Variants in EML4 observed in about 807,000 individuals in gnomAD.
The protein encoded by EML4 is EMAP like 4.
A neutral mutation model predicts 129.0 loss-of-function variants in EML4; 72 were observed. The ratio of observed to expected loss-of-function variants is 0.56; its 90% CI spans 0.46 to 0.68. The LOEUF is 0.68. Among genes scored for constraint, EML4 ranks in the 30% least tolerant of loss-of-function variants. The pLI, the probability that EML4 is intolerant of heterozygous loss-of-function variation, is 0.00. For missense variants in EML4, 1,363 were observed against 1,190.6 expected, an observed-to-expected ratio of 1.14 and a Z score of -2.13; for synonymous variants, 532 against 405.0, an observed-to-expected ratio of 1.31 and a Z score of -3.77.
intron 1 of EML4, among the ~76,000 whole-genome samples, chr2:42,173,162 C>A (rs540784042): frequency 2.1e-4 from 32 of 152,316 alleles, no homozygotes; most frequent in African/African-American, 7.2e-4. Flanking sequence ...TTTTTAACAT[C>A]ACATTGTTAG....
chr2:42,307,918 G>A (rs1217753638), intron 17 of EML4, among the ~76,000 whole-genome samples: 1 of 152,200 alleles, frequency 6.6e-6, no homozygotes, highest in East Asian at 1.9e-4. Flanking sequence ...GCCTCCCAGA[G>A]TACTGGGATT....
intron 1 of EML4, among the ~76,000 whole-genome samples, chr2:42,215,672 AAAGT>A (rs1673142491): frequency 1.3e-5 from 2 of 152,226 alleles, no homozygotes; most frequent in South Asian, 4.1e-4. Context: ...GGTGAATTTA[AAAGT>A]AAGTTGCGGG....
chr2:42,285,018 G>T (rs552555439), intron 9 of EML4, among the ~76,000 whole-genome samples: 109 of 152,114 alleles, frequency 7.2e-4, no homozygotes, highest in African/African-American at 2.6e-3. Flanking sequence ...CTGCGGGAAG[G>T]TACTGCAGTT....
chr2:42,188,156 G>A (rs573276577), intron 1 of EML4, among the ~76,000 whole-genome samples: 9 of 151,916 alleles, frequency 5.9e-5, no homozygotes, highest in African/African-American at 1.9e-4. Flanking sequence ...TGTAGATGGA[G>A]TTCTGCACTC....
chr2:42,202,513 G>C (rs1006521588), intron 1 of EML4, among the ~76,000 whole-genome samples: 7 of 152,174 alleles, frequency 4.6e-5, no homozygotes, highest in Non-Finnish European at 8.8e-5. Flanking sequence ...TGATCACAAA[G>C]TGAGGTTTCA....
intron 1 of EML4, among the ~76,000 whole-genome samples, chr2:42,185,900 A>G (rs1671222950): frequency 6.6e-6 from 1 of 152,202 alleles, no homozygotes. Context: ...TTTCTTCAGT[A>G]GTGGGATAGG....
At chr2:42,192,031 C>G (rs543197579) in intron 1 of EML4, among the ~76,000 whole-genome samples, 1 of 150,632 alleles carries the variant, frequency 6.6e-6, no homozygotes, top group East Asian at 2.0e-4. Context: ...TCCAGCTACT[C>G]GGGAGGCTGA....
At position 42,270,705 on chromosome 2, in the gene EML4, T is replaced by A. The variant is rs144969091; in HGVS notation, c.667+5974T>A. 6.3e-3 allele frequency among the ~76,000 whole-genome samples: 960 copies of A among 152,180 alleles called. 14 individuals are homozygous for A. Among genetic ancestry groups the A allele is most frequent in the African/African-American group, 0.022 (921 of 41,508 alleles). Reference sequence around the variant, plus strand: ...GTCATTTACTGAGAGAGTGTGCAGTTTGAAACAAATGAAAAAAGTCAAAAG... The same window carrying A: ...GTCATTTACTGAGAGAGTGTGCAGTATGAAACAAATGAAAAAAGTCAAAAG... On this transcript the variant is annotated intron_variant, in intron 6 of 22. Transcript: ENST00000318522.
intron 1 of EML4, among the ~76,000 whole-genome samples, chr2:42,171,559 G>C (rs1670282034): frequency 6.6e-6 from 1 of 152,154 alleles, no homozygotes; most frequent in African/African-American, 2.4e-5. Context: ...ATTGCAGTTG[G>C]GGCTCACACT....
At chr2:42,222,638 G>A (rs186479049) in intron 1 of EML4, among the ~76,000 whole-genome samples, 86 of 152,166 alleles carry the variant, frequency 5.7e-4, no homozygotes, top group African/African-American at 2.0e-3. Flanking sequence ...CTGCTTTCTT[G>A]TTTGCTTTTT....
chr2:42,275,530 A>T (rs1468233531), intron 6 of EML4, among the ~76,000 whole-genome samples: 1 of 152,238 alleles, frequency 6.6e-6, no homozygotes. Context: ...CAGCCCCAAC[A>T]TTATATGTGT....
At chr2:42,239,024 G>A (rs1329920127) in intron 1 of EML4, among the ~76,000 whole-genome samples, 1 of 152,098 alleles carries the variant, frequency 6.6e-6, no homozygotes. Context: ...CTGCCTCAAC[G>A]TCTCAAAAGT....
chr2:42,188,786 A>G (rs1671415932), intron 1 of EML4, among the ~76,000 whole-genome samples: 1 of 152,114 alleles, frequency 6.6e-6, no homozygotes, highest in Non-Finnish European at 1.5e-5. Context: ...TTGGCTTCCC[A>G]TAGGGCTGGG....
At chr2:42,305,562 T>C (rs930282636) in intron 17 of EML4, among the ~76,000 whole-genome samples, 1 of 152,256 alleles carries the variant, frequency 6.6e-6, no homozygotes, top group Non-Finnish European at 1.5e-5. Flanking sequence ...ATAATAAAGA[T>C]ATATTTTCTA....
intron 1 of EML4, among the ~76,000 whole-genome samples, chr2:42,186,046 C>G (rs890264542): frequency 3.9e-5 from 6 of 152,004 alleles, no homozygotes; most frequent in Non-Finnish European, 8.8e-5. Context: ...AAAAAGGCCC[C>G]AAAAAACTGT....
intron 1 of EML4, among the ~76,000 whole-genome samples, chr2:42,200,207 C>G (rs941726653): frequency 6.6e-6 from 1 of 150,994 alleles, no homozygotes; most frequent in Non-Finnish European, 1.5e-5. Context: ...CACCTGTAGT[C>G]CCAGCTACTC....
intron 1 of EML4, among the ~76,000 whole-genome samples, chr2:42,192,235 T>A (rs557570742): frequency 6.7e-6 from 1 of 149,102 alleles, no homozygotes; most frequent in East Asian, 1.9e-4. Context: ...TTTTTTTGTT[T>A]TTTTTTTTGG....
chr2:42,244,067 TTTTTTTG>T (rs1260662184), intron 1 of EML4, among the ~76,000 whole-genome samples: 14 of 74,258 alleles, frequency 1.9e-4, no homozygotes, highest in African/African-American at 2.8e-4. Flanking sequence ...CAATTAATGT[TTTTTTTG>T]TTTTTTGTTT....
At chr2:42,322,501 C>T (rs984582556) in intron 19 of EML4, among the ~76,000 whole-genome samples, 3 of 152,210 alleles carry the variant, frequency 2.0e-5, no homozygotes, top group Non-Finnish European at 4.4e-5. Context: ...TTGCAAACCA[C>T]TGATTCAGGT....
Sources: allele counts gnomAD v4.1 joint callset (sites outside exome capture counted in the v4.1 genomes callset), GRCh38; gene constraint gnomAD v4.1.1; transcripts MANE v1.5; gene names NCBI Gene and HGNC (gene_info 2026-07-23, HGNC 2026-07-21).